The following LRRC49 variants were observed in gnomAD, a reference collection of about 807,000 sequenced individuals.
The protein encoded by LRRC49 is leucine rich repeat containing 49.
A neutral mutation model predicts 83.3 loss-of-function variants in LRRC49; 50 were observed. The ratio of observed to expected loss-of-function variants is 0.60; its 90% CI spans 0.48 to 0.76. LRRC49 has a LOEUF of 0.76. Ranked by LOEUF, LRRC49 falls within the 30% of genes least tolerant of loss-of-function variation. The pLI is 0.00. For missense variants in LRRC49, 704 were observed against 809.1 expected (o/e 0.87, Z 1.58); for synonymous variants, 286 against 283.3 (o/e 1.01, Z -0.10).
Position 70,998,315 on chromosome 15 carries a change from G to A in LRRC49, c.1170-10064G>A, listed in dbSNP as rs78296844. ...GTATGACTTCAAGTTACCAACTAGT[G>A]TTCTTTAATTTCCAGAGAATTTCCT... On this transcript the variant is annotated intron_variant, in intron 11 of 15. Coordinates refer to ENST00000260382, the MANE Select transcript of LRRC49 (RefSeq NM_017691.5). Among the ~76,000 whole-genome samples, 356 of 152,214 alleles carry A rather than the reference G, an allele frequency of 2.3e-3. 2 individuals carry two copies. Among genetic ancestry groups the A allele is most frequent in the African/African-American group, 8.1e-3 (337 of 41,526 alleles).
chr15:70,990,063 G>A (rs1475799587), intron 11 of LRRC49, among the ~76,000 whole-genome samples: 3 of 152,202 alleles, frequency 2.0e-5, no homozygotes, highest in African/African-American at 7.2e-5. Context: ...CTCCCAGTTA[G>A]GCTGCTCGGG....
intron 2 of LRRC49, among the ~76,000 whole-genome samples, chr15:70,884,115 G>GTT (rs1160475071): frequency 1.3e-5 from 2 of 152,132 alleles, no homozygotes; most frequent in Non-Finnish European, 2.9e-5. Context: ...AGGAGAGAAA[G>GTT]TAAGTGATAG....
chr15:70,926,047 T>C (rs2035183238), intron 7 of LRRC49, among the ~76,000 whole-genome samples: 1 of 152,232 alleles, frequency 6.6e-6, no homozygotes, highest in South Asian at 2.1e-4. Flanking sequence ...ATGTACTCTT[T>C]TGTATATTCA....
chr15:70,875,369 G>A (rs1353845828), intron 2 of LRRC49, among the ~76,000 whole-genome samples: 1 of 152,174 alleles, frequency 6.6e-6, no homozygotes, highest in African/African-American at 2.4e-5. Flanking sequence ...GGGTTGATGG[G>A]TTATAAGTCA....
intron 8 of LRRC49, among the ~76,000 whole-genome samples, chr15:70,939,852 T>TG (rs1440865322): frequency 6.0e-5 from 9 of 150,970 alleles, no homozygotes; most frequent in Non-Finnish European, 8.9e-5. Flanking sequence ...ACTAGGTTTT[T>TG]TTTTTTTTTT....
At chr15:70,874,464 A>T (rs138597413) in intron 2 of LRRC49, among the ~76,000 whole-genome samples, 173 of 152,286 alleles carry the variant, frequency 1.1e-3, no homozygotes, top group Middle Eastern at 0.01. Context: ...TAAGCTGGAG[A>T]CTATGACCTG....
intron 1 of LRRC49, chr15:70,859,505 G>C (rs578164408): frequency 2.9e-6 from 2 of 686,770 alleles, no homozygotes; most frequent in Non-Finnish European, 5.5e-6. Context: ...TGAGGTCAAG[G>C]TGCAGTAGGA....
intron 15 of LRRC49, among the ~76,000 whole-genome samples, chr15:71,042,724 T>A (rs1043157336): frequency 2.6e-5 from 4 of 152,192 alleles, no homozygotes; most frequent in African/African-American, 9.7e-5. Context: ...GTCATAACTC[T>A]GTTGCTTGGT....
At chr15:70,898,251 G>A in intron 3 of LRRC49, 1 of 594,144 alleles carries the variant, frequency 1.7e-6, no homozygotes, top group South Asian at 2.1e-5. Flanking sequence ...AACACTTTGA[G>A]ATGCTATTTG....
intron 2 of LRRC49, among the ~76,000 whole-genome samples, chr15:70,875,202 C>A (rs2033127304): frequency 6.6e-6 from 1 of 152,206 alleles, no homozygotes; most frequent in Admixed American, 6.5e-5. Context: ...GGCTGCCCAG[C>A]AGTTCTTTGG....
chr15:70,963,062 C>T (rs1021987540), intron 8 of LRRC49, among the ~76,000 whole-genome samples: 1 of 151,504 alleles, frequency 6.6e-6, no homozygotes, highest in African/African-American at 2.4e-5. Flanking sequence ...AACAGGAGTT[C>T]GAGACCAGCT....
intron 8 of LRRC49, among the ~76,000 whole-genome samples, chr15:70,940,251 A>ATTTTT (rs398027829): frequency 2.3e-5 from 2 of 87,062 alleles, no homozygotes; most frequent in African/African-American, 3.9e-5. Context: ...GAATATATGG[A>ATTTTT]TTTTTTTTTT....
chr15:70,866,163 T>TA (rs57502762), intron 1 of LRRC49, among the ~76,000 whole-genome samples: 1 of 149,404 alleles, frequency 6.7e-6, no homozygotes, highest in Non-Finnish European at 1.5e-5. Context: ...TTTATTTATT[T>TA]TTGAGATGGA....
chr15:70,963,867 T>C lies in LRRC49; in HGVS notation c.856T>C (p.Trp286Arg), dbSNP rs775263690. 3 of 1,613,724 alleles carry C rather than the reference T, an allele frequency of 1.9e-6. No homozygotes were observed. The highest frequency in any genetic ancestry group is 1.1e-5 in the South Asian group (1 of 91,044). ...FDGNPIAQES[W>R]YKHTVLQNMM... ...TGGCAATCCCATAGCTCAAGAGTCATGGTACAAACACACTGTCCTTCAGAA... is the reference window on the plus strand; with the variant it reads ...TGGCAATCCCATAGCTCAAGAGTCACGGTACAAACACACTGTCCTTCAGAA... The change falls in exon 9 of 16, where the codon TGG (tryptophan) becomes CGG (arginine). Residue 286 changes from tryptophan (W) to arginine (R), a missense_variant. Physicochemically the swap from Trp to Arg is moderately radical, Grantham distance 101 (BLOSUM62 -3). Around this residue, in one of 3 missense-constraint regions of LRRC49, gnomAD observed 168 missense variants for 140.6 expected, o/e 1.20. Transcript: ENST00000260382.
In LRRC49 at chr15:70,901,048, C is replaced by G. The variant is rs1334863584; in HGVS notation, c.296+24C>G. The G allele has an allele frequency of 9.0e-6, 13 of 1,449,282 alleles. No homozygotes were observed. The East Asian group carries it at 1.6e-4, about 18-fold the overall frequency. The allele number at this position is 1,449,282 out of a possible 1,614,324, so 89.8% of individuals were successfully genotyped here. A position where few individuals can be genotyped will look rare whatever the true frequency, so the allele number is the denominator to read the frequency against. On this transcript the variant is annotated intron_variant, in intron 4 of 15. Transcript: ENST00000260382. ...AGGTGAGGACAATTTCTTTTCTTTT[C>G]TTTTTTTTGACTAGGTAATACATAG...
At chr15:70,862,641 A>G (rs1266782708) in intron 1 of LRRC49, among the ~76,000 whole-genome samples, 1 of 151,770 alleles carries the variant, frequency 6.6e-6, no homozygotes, top group African/African-American at 2.4e-5. Context: ...GTTAAGACCT[A>G]GACATTAAGC....
chr15:70,892,469 T>A (rs1437480701), upstream of LRRC49: 3 of 1,531,284 alleles, frequency 2.0e-6, no homozygotes, highest in Non-Finnish European at 2.6e-6. Context: ...GATATCTTCC[T>A]CCTCCTCCTC....
chr15:70,891,798 C>G (rs1449108666), upstream of LRRC49: 2 of 1,461,266 alleles, frequency 1.4e-6, no homozygotes, highest in East Asian at 2.3e-5. Flanking sequence ...AGGAGCCCAG[C>G]CAGAGTCCAG....
chr15:70,989,133 A>G (rs1233205805), intron 11 of LRRC49, among the ~76,000 whole-genome samples: 2 of 152,048 alleles, frequency 1.3e-5, no homozygotes, highest in Non-Finnish European at 2.9e-5. Context: ...GCTCTTCTCG[A>G]GGAGTATCTT....
Sources: gnomAD v4.1 joint callset for allele counts (sites outside exome capture counted in the v4.1 genomes callset) on GRCh38, gnomAD v4.1.1 for gene constraint, gnomAD v4.1.1 regional missense constraint, MANE v1.5 for transcripts, NCBI Gene and HGNC (gene_info 2026-07-23, HGNC 2026-07-21) for gene names.